Variants in KIF13A observed in about 807,000 individuals in gnomAD.
The protein encoded by KIF13A is kinesin-like protein KIF13A.
A neutral mutation model predicts 212.2 loss-of-function variants in KIF13A; 79 were observed. That is an observed-to-expected ratio of 0.37 (90% CI 0.31 to 0.45). The LOEUF (loss-of-function observed/expected upper bound fraction) is 0.45, where lower values mean the gene tolerates loss of function less well. Ranked by LOEUF, KIF13A falls within the 20% of genes least tolerant of loss-of-function variation. KIF13A has a pLI of 1.00. For missense variants in KIF13A, 1,901 were observed against 2,209.0 expected, an observed-to-expected ratio of 0.86 and a Z score of 2.79; for synonymous variants, 789 against 808.6, an observed-to-expected ratio of 0.98 and a Z score of 0.41.
chr6:17,846,477 A>G (rs1166170882), intron 9 of KIF13A, among the ~76,000 whole-genome samples: 1 of 152,100 alleles, frequency 6.6e-6, no homozygotes, highest in Non-Finnish European at 1.5e-5. Flanking sequence ...CAGTATGTAA[A>G]TAAGACGAGG....
At chr6:17,977,114 C>CAAAAAAAAAAAAAAA (rs398000718) in intron 2 of KIF13A, among the ~76,000 whole-genome samples, 9 of 106,656 alleles carry the variant, frequency 8.4e-5, no homozygotes, top group Non-Finnish European at 1.3e-4. Flanking sequence ...AAAACAACAA[C>CAAAAAAAAAAAAAAA]AAAAAAAAAA....
chr6:17,915,612 C>A lies in KIF13A; in HGVS notation c.147-17432G>T, dbSNP rs528822506. Among the ~76,000 whole-genome samples the A allele has an allele frequency of 2.9e-3, 448 of 152,240 alleles. 3 individuals are homozygous for A. Among genetic ancestry groups the A allele is most frequent in the African/African-American group, 0.01 (428 of 41,548 alleles). On this transcript the variant is annotated intron_variant, in intron 2 of 38. Transcript: ENST00000259711. The surrounding 1 kb of genome is among the most constrained non-coding windows in gnomAD (Gnocchi z 4.4). ...GCAGCCTACTGATTCTGTAGGACAT[C>A]ACTGCAGAACCATGTAGTTTCAATG...
chr6:17,931,559 ACTTTTTC>A (rs1775988057), intron 2 of KIF13A, among the ~76,000 whole-genome samples: 1 of 152,176 alleles, frequency 6.6e-6, no homozygotes, highest in African/African-American at 2.4e-5. Flanking sequence ...TTATTTTTAA[ACTTTTTC>A]TTAGAAATAG....
chr6:17,916,767 T>C (rs1774551244), intron 2 of KIF13A, among the ~76,000 whole-genome samples: 15 of 152,156 alleles, frequency 9.9e-5, no homozygotes, highest in Admixed American at 9.8e-4. Context: ...TTAAGAAATT[T>C]ATTTAGTTTA....
chr6:17,838,243 C>T lies in KIF13A; in HGVS notation c.831-660G>A, dbSNP rs1766162964. On this transcript the variant is annotated intron_variant, in intron 9 of 38. Coordinates refer to ENST00000259711, the MANE Select transcript of KIF13A (RefSeq NM_022113.6). This position sits in a 1 kb window ranked among gnomAD's most constrained non-coding sequence, Gnocchi z 4.2. ...GGCTGAGGCAGGAAAATTGCTTGAA[C>T]CCGGGAGGCGGAGGCTGCAGTGAGC... Among the ~76,000 whole-genome samples the T allele has an allele frequency of 6.6e-6, 1 of 151,832 alleles. No homozygotes were observed. The highest frequency in any genetic ancestry group is 2.4e-5 in the African/African-American group (1 of 41,320).
intron 4 of KIF13A, among the ~76,000 whole-genome samples, chr6:17,866,518 G>A (rs1769384236): frequency 6.6e-6 from 1 of 151,970 alleles, no homozygotes; most frequent in African/African-American, 2.4e-5. Flanking sequence ...TAGGGAGCAG[G>A]GCTTCGCTAA....
At chr6:17,977,640 T>G (rs1780689584) in intron 2 of KIF13A, among the ~76,000 whole-genome samples, 1 of 152,218 alleles carries the variant, frequency 6.6e-6, no homozygotes, top group South Asian at 2.1e-4. Context: ...TTGTATTACA[T>G]GGGCAAGGAC....
In KIF13A at chr6:17,779,017, G is replaced by A. The variant is rs766435113; in HGVS notation, c.4022C>T (p.Thr1341Met). The A allele has an allele frequency of 1.9e-5, 30 of 1,613,348 alleles. No homozygotes were observed. The highest frequency in any genetic ancestry group is 1.5e-4 in the Admixed American group (9 of 59,928). ...GCCTCGAGTGTACTTCTCAATGTAC[G>A]TCTCCCCATCTGATGTGCCTTCGTT... ...SENEGTSDGE[T>M]YIEKYTRGVL... The change falls in exon 33 of 39, where the codon ACG (threonine) becomes ATG (methionine). Residue 1341 changes from threonine (T) to methionine (M), a missense_variant. Transcript: ENST00000259711.
intron 11 of KIF13A, among the ~76,000 whole-genome samples, chr6:17,836,552 TAGTC>T (rs1378721062): frequency 7.9e-5 from 12 of 152,222 alleles, no homozygotes; most frequent in East Asian, 5.8e-4. Context: ...GATGATGTAT[TAGTC>T]AGTTCTCACA....
At chr6:17,760,002 A>G (rs910424142), downstream of KIF13A, 2 of 152,204 alleles carry the variant, frequency 1.3e-5, no homozygotes, top group African/African-American at 4.8e-5. Flanking sequence ...CATTGTCAAC[A>G]GTTATAATAC....
intron 2 of KIF13A, among the ~76,000 whole-genome samples, chr6:17,969,389 T>G (rs1300396162): frequency 6.6e-6 from 1 of 152,236 alleles, no homozygotes; most frequent in Non-Finnish European, 1.5e-5. Flanking sequence ...TAAATGTTTG[T>G]TGTACTACTT....
chr6:17,801,052 A>G (rs544314760), intron 20 of KIF13A, among the ~76,000 whole-genome samples: 1 of 152,182 alleles, frequency 6.6e-6, no homozygotes, highest in South Asian at 2.1e-4. Context: ...TTTAAAATAT[A>G]TTCACTCACC....
At chr6:17,916,620 A>G (rs1164812098) in intron 2 of KIF13A, among the ~76,000 whole-genome samples, 3 of 152,234 alleles carry the variant, frequency 2.0e-5, no homozygotes, top group African/African-American at 7.2e-5. Context: ...AACTCACAAC[A>G]TAGACCCAAT....
At chr6:17,846,569 A>G (rs1376705056) in intron 9 of KIF13A, among the ~76,000 whole-genome samples, 2 of 148,782 alleles carry the variant, frequency 1.3e-5, no homozygotes, top group East Asian at 4.1e-4. Context: ...AGAGTTTAAG[A>G]GCAGTCTGGT....
At chr6:17,865,493 C>T (rs575200614) in intron 4 of KIF13A, among the ~76,000 whole-genome samples, 2 of 152,260 alleles carry the variant, frequency 1.3e-5, no homozygotes, top group South Asian at 2.1e-4. Flanking sequence ...ACCTGGACAG[C>T]GCAAGACCAG....
At chr6:17,960,526 G>C (rs1778720726) in intron 2 of KIF13A, among the ~76,000 whole-genome samples, 1 of 152,018 alleles carries the variant, frequency 6.6e-6, no homozygotes, top group South Asian at 2.1e-4. Flanking sequence ...GACCATTTTG[G>C]GGTAATAACC....
intron 12 of KIF13A, among the ~76,000 whole-genome samples, chr6:17,833,387 TG>T (rs1253129532): frequency 1.3e-5 from 2 of 148,446 alleles, no homozygotes; most frequent in Non-Finnish European, 1.5e-5. Context: ...CCCAGCTACT[TG>T]GGGGGACTGA....
chr6:17,949,026 A>G (rs546483905), intron 2 of KIF13A, among the ~76,000 whole-genome samples: 1 of 152,324 alleles, frequency 6.6e-6, no homozygotes, highest in East Asian at 1.9e-4. Flanking sequence ...ATATGAATAC[A>G]CATGTCAAAT....
In KIF13A at chr6:17,809,173, G is replaced by A. The variant is rs1322813014; in HGVS notation, c.2001-243C>T. On this transcript the variant is annotated intron_variant, in intron 17 of 38. Coordinates refer to ENST00000259711, the MANE Select transcript of KIF13A (RefSeq NM_022113.6). This position sits in a 1 kb window ranked among gnomAD's most constrained non-coding sequence, Gnocchi z 4.7. The stretch of plus-strand genomic sequence containing the variant: ...AACCACGTTTTAAATTATGTAACAC[G>A]TGAAAACGATCAGATTGTGATAGGA... 6.6e-6 allele frequency among the ~76,000 whole-genome samples: 1 copy of A among 152,164 alleles called. No individual in the cohort carries two copies. The highest frequency in any genetic ancestry group is 1.5e-5 in the Non-Finnish European group (1 of 68,034).
Sources: gnomAD v4.1 joint callset for allele counts (sites outside exome capture counted in the v4.1 genomes callset) on GRCh38, gnomAD v4.1.1 for gene constraint, Gnocchi (gnomAD v3.1) non-coding constraint, MANE v1.5 for transcripts, NCBI Gene and HGNC (gene_info 2026-07-23, HGNC 2026-07-21) for gene names.